Variants in MORC4 observed in about 807,000 individuals in gnomAD.
MORC4 encodes the protein MORC family CW-type zinc finger 4.
MORC4 carries 22 observed loss-of-function variants against 65.5 expected under a neutral mutation model. The ratio of observed to expected loss-of-function variants is 0.34; its 90% CI spans 0.24 to 0.48. The LOEUF (loss-of-function observed/expected upper bound fraction) is 0.48, where lower values mean the gene tolerates loss of function less well. MORC4 is among the 20% of genes least tolerant of loss of function. MORC4 has a pLI of 0.99. For missense variants in MORC4, 624 were observed against 703.0 expected, an observed-to-expected ratio of 0.89 and a Z score of 1.27; for synonymous variants, 267 against 255.8, an observed-to-expected ratio of 1.04 and a Z score of -0.42.
chrX:106,945,414 T>TTGTGTGTGTGTGTGTG (rs35077497), intron 14 of MORC4, among the ~76,000 whole-genome samples: 2 of 83,242 alleles, frequency 2.4e-5, no homozygotes, highest in Non-Finnish European at 4.7e-5. Flanking sequence ...ACTTACTACT[T>TTGTGTGTGTGTGTGTG]TGTGTGTGTG....
chrX:106,980,779 A>C, intron 7 of MORC4, 112 bp downstream of exon 7: 1 of 672,735 alleles, frequency 1.5e-6, no homozygotes, highest in Non-Finnish European at 2.3e-6. Context: ...GTGTACTATG[A>C]CATACACTTT....
intron 2 of MORC4, among the ~76,000 whole-genome samples, chrX:106,999,401 C>T (rs1275014715): frequency 1.8e-5 from 2 of 111,752 alleles, no homozygotes; most frequent in African/African-American, 3.2e-5. Context: ...ACTAAGCTAT[C>T]CTAAAGTGCC....
chrX:106,956,657 A>G, intron 12 of MORC4, 123 bp from the exon 13 acceptor site: 1 of 626,983 alleles, frequency 1.6e-6, no homozygotes, highest in Non-Finnish European at 2.5e-6. Flanking sequence ...AGCCTCATTG[A>G]GTAACTGAGG....
rs759443986 is a variant in MORC4, at chrX:106,999,668, G to A, written c.175+9C>T. Reference sequence around the variant, plus strand: ...GGCGAACACGGCCGGGCCCGCCCTCGCCACTCACCTAGCAGCTCCGCGATG... The same window carrying A: ...GGCGAACACGGCCGGGCCCGCCCTCACCACTCACCTAGCAGCTCCGCGATG... On this transcript the variant is annotated intron_variant, in intron 2 of 16. Coordinates refer to ENST00000355610, the MANE Select transcript of MORC4 (RefSeq NM_024657.5). The A allele has an allele frequency of 5.3e-6, 6 of 1,127,924 alleles. No individual in the cohort carries two copies. Among genetic ancestry groups the A allele is most frequent in the South Asian group, 2.0e-5 (1 of 49,521 alleles). 93.0% of individuals were successfully genotyped at this position (1,127,924 alleles called of 1,213,427 possible). A position where few individuals can be genotyped will look rare whatever the true frequency, so the allele number is the denominator to read the frequency against.
At position 106,941,413 on chromosome X, in the gene MORC4, G is replaced by T; in HGVS notation, c.*66C>A. 2.6e-5 allele frequency: 20 copies of T among 770,218 alleles called. No individual in the cohort carries two copies. The highest frequency in any genetic ancestry group is 3.3e-5 in the Non-Finnish European group (18 of 544,258). 63.5% of individuals were successfully genotyped at this position (770,218 alleles called of 1,213,427 possible). A position where few individuals can be genotyped will look rare whatever the true frequency, so the allele number is the denominator to read the frequency against. ...GAGAGAGAGAGAGAGAGAGAGAGACGTGAGGGAGGGAGAGAAAAGAGAACA... is the reference window on the plus strand; with the variant it reads ...GAGAGAGAGAGAGAGAGAGAGAGACTTGAGGGAGGGAGAGAAAAGAGAACA... On this transcript the variant is annotated 3_prime_UTR_variant, in exon 17 of 17. Transcript: ENST00000355610.
intron 7 of MORC4, among the ~76,000 whole-genome samples, chrX:106,978,585 A>G (rs1934673680): frequency 9.1e-6 from 1 of 110,000 alleles, no homozygotes; most frequent in Admixed American, 9.8e-5. Flanking sequence ...AATATCAGGA[A>G]ACGCTCAGAT....
intron 15 of MORC4, 115 bp from the exon 16 acceptor site, chrX:106,942,336 T>C: frequency 1.0e-6 from 1 of 956,913 alleles, no homozygotes; most frequent in Non-Finnish European, 1.4e-6. Context: ...ATGGGCCTTT[T>C]CAATACCCTA....
rs145833472 is a variant in MORC4 at position 106,975,966 on chromosome X, G to A, written c.1157+618C>T. ...TTTCATCCTTAGTACCTGGCACATA[G>A]AAGCTGTCTCATAATACTTAATGAA... On this transcript the variant is annotated intron_variant, in intron 9 of 16. Coordinates refer to ENST00000355610, the MANE Select transcript of MORC4 (RefSeq NM_024657.5). Among the ~76,000 whole-genome samples the A allele has an allele frequency of 7.6e-3, 852 of 111,423 alleles. 8 individuals carry two copies. Among genetic ancestry groups the A allele is most frequent in the African/African-American group, 0.027 (821 of 30,766 alleles).
At chrX:106,991,862 G>A (rs1934991366) in intron 3 of MORC4, among the ~76,000 whole-genome samples, 1 of 111,606 alleles carries the variant, frequency 9.0e-6, no homozygotes. Context: ...CTGAGATCAT[G>A]CCACTGCACT....
chrX:106,987,102 C>G (rs1404742239), intron 3 of MORC4, among the ~76,000 whole-genome samples: 1 of 111,579 alleles, frequency 9.0e-6, no homozygotes, highest in Non-Finnish European at 1.9e-5. Context: ...TAGAGTTTGG[C>G]AAATGAGTAC....
Position 106,949,954 on chromosome X carries a change from G to A in MORC4, c.1685+4959C>T, listed in dbSNP as rs1421797243. 4.5e-5 allele frequency among the ~76,000 whole-genome samples: 5 copies of A among 112,256 alleles called. No homozygotes were observed. The East Asian group carries it at 8.5e-4, about 19-fold the overall frequency. ...ATTTCATTTTTAAGCCTGGTTCCCA[G>A]GAGGTGCCCCTGGGTCAGAGTAACA... On this transcript the variant is annotated intron_variant, in intron 14 of 16. Transcript: ENST00000355610.
At chrX:106,991,140 A>G (rs1419567640) in intron 3 of MORC4, among the ~76,000 whole-genome samples, 1 of 111,694 alleles carries the variant, frequency 9.0e-6, no homozygotes, top group African/African-American at 3.3e-5. Context: ...TGAATGGGTG[A>G]TACTCATCCT....
intron 5 of MORC4, among the ~76,000 whole-genome samples, chrX:106,983,081 A>G (rs1934782736): frequency 1.8e-5 from 2 of 112,179 alleles, no homozygotes; most frequent in Admixed American, 9.4e-5. Flanking sequence ...AAATGCTCCA[A>G]TGATCATTTC....
Position 106,943,102 on chromosome X carries a change from T to C in MORC4, c.1789A>G (p.Arg597Gly). 1 of 1,210,855 alleles carries C rather than the reference T, an allele frequency of 8.3e-7. No homozygotes were observed. The highest frequency in any genetic ancestry group is 1.1e-6 in the Non-Finnish European group (1 of 894,427). ...TAGGCAACAGGTGCTTCTACCCTCC[T>C]GTAAGGAGCAGGCATGGAATAATCT... ...SLDYSMPAPY[R>G]RVEAPVAYPE... The change falls in exon 15 of 17, where the codon AGG becomes GGG. Residue 597 changes from arginine to glycine, a missense_variant. Arg to Gly is a moderately radical substitution (Grantham distance 125). Coordinates refer to ENST00000355610, the MANE Select transcript of MORC4 (RefSeq NM_024657.5).
At chrX:106,958,519 C>T in intron 10 of MORC4, 55 bp from the exon 11 acceptor site, 1 of 1,060,493 alleles carries the variant, frequency 9.4e-7, no homozygotes, top group South Asian at 2.8e-5. Context: ...TGTGCTTTGT[C>T]TTACATTAGA....
rs1440108008 is a variant in MORC4 at position 106,941,414 on chromosome X, T to C, written c.*65A>G. On this transcript the variant is annotated 3_prime_UTR_variant, in exon 17 of 17. Coordinates refer to ENST00000355610, the MANE Select transcript of MORC4 (RefSeq NM_024657.5). The stretch of plus-strand genomic sequence containing the variant: ...AGAGAGAGAGAGAGAGAGAGAGACG[T>C]GAGGGAGGGAGAGAAAAGAGAACAG... 8.8e-6 allele frequency: 6 copies of C among 678,502 alleles called. No individual in the cohort carries two copies. Among genetic ancestry groups the C allele is most frequent in the African/African-American group, 3.2e-5 (1 of 31,472 alleles). 55.9% of individuals were successfully genotyped at this position (678,502 alleles called of 1,213,427 possible). A position where few individuals can be genotyped will look rare whatever the true frequency, so the allele number is the denominator to read the frequency against.
intron 9 of MORC4, among the ~76,000 whole-genome samples, chrX:106,975,988 T>C (rs1934615158): frequency 8.9e-6 from 1 of 111,807 alleles, no homozygotes; most frequent in African/African-American, 3.2e-5. Context: ...TAATACTTAA[T>C]GAAATAAAGA....
At chrX:106,950,343 G>C (rs954946625) in intron 14 of MORC4, among the ~76,000 whole-genome samples, 3 of 111,689 alleles carry the variant, frequency 2.7e-5, no homozygotes, top group African/African-American at 9.8e-5. Context: ...AATTCTTCAT[G>C]TTCTGCTCCA....
chrX:106,961,832 G>T (rs1273309722), intron 10 of MORC4, among the ~76,000 whole-genome samples, 180 bp downstream of exon 10: 1 of 111,499 alleles, frequency 9.0e-6, no homozygotes, highest in Non-Finnish European at 1.9e-5. Context: ...TCACTCTTTG[G>T]GTCGGTGCCA....
Sources: gnomAD v4.1 joint callset for allele counts (sites outside exome capture counted in the v4.1 genomes callset) on GRCh38, gnomAD v4.1.1 for gene constraint, MANE v1.5 for transcripts, NCBI Gene and HGNC (gene_info 2026-07-23, HGNC 2026-07-21) for gene names.